Variants in DYDC2 observed in about 807,000 individuals in gnomAD.
The protein encoded by DYDC2 is DPY30 domain containing 2, also known as DPY30 domain-containing protein 2.
DYDC2 carries 19 observed loss-of-function variants against 18.7 expected under a neutral mutation model. The ratio of observed to expected loss-of-function variants is 1.02; its 90% CI spans 0.71 to 1.49. The LOEUF is 1.49. Ranked by LOEUF, DYDC2 falls within the 40% of genes most tolerant of loss-of-function variation. The pLI, the probability that DYDC2 is intolerant of heterozygous loss-of-function variation, is 0.00. For missense variants in DYDC2, 179 were observed against 205.1 expected (o/e 0.87, Z 0.78); for synonymous variants, 63 against 67.6 (o/e 0.93, Z 0.34).
intron 1 of DYDC2, among the ~76,000 whole-genome samples, chr10:80,345,574 T>C (rs988601518): frequency 1.3e-5 from 2 of 152,184 alleles, no homozygotes; most frequent in African/African-American, 4.8e-5. Flanking sequence ...ATCTCCTCAT[T>C]CTTCTTCCAG....
In DYDC2 at chr10:80,357,979, G is replaced by A; in HGVS notation, c.-76G>A. ...ACCTTGCCTACTGAGTGCAAGTCCA[G>A]GAACTGTGTAAGCAGACCCTCAGAG... On this transcript the variant is annotated 5_prime_UTR_variant, in exon 2 of 5. Transcript: ENST00000256039. 1.0e-6 allele frequency: 1 copy of A among 985,512 alleles called. No individual in the cohort carries two copies. Among genetic ancestry groups the A allele is most frequent in the Non-Finnish European group, 1.2e-6 (1 of 830,010 alleles). 61.0% of individuals were successfully genotyped at this position (985,512 alleles called of 1,614,324 possible).
chr10:80,352,624 GT>G, upstream of DYDC2: 2 of 1,591,816 alleles, frequency 1.3e-6, no homozygotes, highest in South Asian at 1.2e-5. Flanking sequence ...AAAAGTAAGT[GT>G]TTTTGCATTA....
intron 2 of DYDC2, among the ~76,000 whole-genome samples, chr10:80,360,256 T>C (rs547007237): frequency 2.8e-4 from 42 of 152,190 alleles, no homozygotes; most frequent in Non-Finnish European, 3.5e-4. Flanking sequence ...ATGAATCTTA[T>C]AGAGCTAAAA....
At chr10:80,360,022 G>A (rs1843619105) in intron 2 of DYDC2, among the ~76,000 whole-genome samples, 1 of 152,242 alleles carries the variant, frequency 6.6e-6, no homozygotes, top group African/African-American at 2.4e-5. Context: ...AGGGCTGCCA[G>A]CACGCTGTCA....
chr10:80,346,204 G>A (rs965690764), intron 1 of DYDC2, among the ~76,000 whole-genome samples: 1 of 152,018 alleles, frequency 6.6e-6, no homozygotes, highest in Non-Finnish European at 1.5e-5. Context: ...TCCAAATCTT[G>A]GCTATTGTAA....
intron 1 of DYDC2, among the ~76,000 whole-genome samples, chr10:80,347,151 C>T (rs958262516): frequency 1.3e-5 from 2 of 151,786 alleles, no homozygotes; most frequent in Admixed American, 6.6e-5. Flanking sequence ...TTGATTTGCA[C>T]TTCCCTGATG....
upstream of DYDC2, chr10:80,352,463 C>T: frequency 1.2e-6 from 2 of 1,600,988 alleles, no homozygotes; most frequent in Non-Finnish European, 1.7e-6. Context: ...ACCAGTTGTT[C>T]CATGGTCACA....
Position 80,347,848 on chromosome 10 carries a change from T to C in DYDC2, c.-310+3033T>C, listed in dbSNP as rs79895716. Among the ~76,000 whole-genome samples, 774 of 152,370 alleles carry C rather than the reference T, an allele frequency of 5.1e-3. 5 individuals carry two copies. The highest frequency in any genetic ancestry group is 0.018 in the African/African-American group (740 of 41,592). On this transcript the variant is annotated intron_variant, in intron 1 of 4. Coordinates refer to the DYDC2 transcript ENST00000372197. ...TATGCCAATACCATACTGTTGTAATTACTATGGCTTTGTAATATAATTCTG... is the reference window on the plus strand; with the variant it reads ...TATGCCAATACCATACTGTTGTAATCACTATGGCTTTGTAATATAATTCTG...
At chr10:80,349,470 A>G (rs1842859235) in intron 1 of DYDC2, among the ~76,000 whole-genome samples, 1 of 152,184 alleles carries the variant, frequency 6.6e-6, no homozygotes, top group Admixed American at 6.5e-5. Flanking sequence ...CTACTATCTG[A>G]CAATGCATTC....
chr10:80,362,697 T>A, intron 3 of DYDC2, 107 bp downstream of exon 3: 1 of 1,485,828 alleles, frequency 6.7e-7, no homozygotes, highest in Non-Finnish European at 9.0e-7. Flanking sequence ...TTTCTTGGTT[T>A]ATTTGACTTG....
At chr10:80,357,169 G>C (rs563431155) in intron 1 of DYDC2, among the ~76,000 whole-genome samples, 1 of 146,662 alleles carries the variant, frequency 6.8e-6, no homozygotes, top group Admixed American at 6.7e-5. Context: ...AGGGGGCAAC[G>C]GGCAGAGAGG....
intron 1 of DYDC2, among the ~76,000 whole-genome samples, chr10:80,357,186 A>G (rs1182793239): frequency 7.5e-6 from 1 of 132,840 alleles, no homozygotes; most frequent in South Asian, 2.7e-4. Context: ...GAGGAGAGGG[A>G]ATGAAAGAAG....
At chr10:80,362,396 G>C in intron 2 of DYDC2, 39 bp from the exon 3 acceptor site, 1 of 1,587,228 alleles carries the variant, frequency 6.3e-7, no homozygotes, top group Non-Finnish European at 8.6e-7. Flanking sequence ...ATCAGATTAA[G>C]TTTGTAAAAT....
chr10:80,358,609 G>T (rs117270071), intron 2 of DYDC2, among the ~76,000 whole-genome samples: 1 of 152,190 alleles, frequency 6.6e-6, no homozygotes, highest in African/African-American at 2.4e-5. Flanking sequence ...ATGCAGAGTT[G>T]GTGATTCTGC....
Position 80,366,772 on chromosome 10 carries a change from C to A in DYDC2, c.355C>A (p.Gln119Lys). The A allele has an allele frequency of 6.2e-7, 1 of 1,614,188 alleles. No homozygotes were observed. The highest frequency in any genetic ancestry group is 8.5e-7 in the Non-Finnish European group (1 of 1,180,018). ...CCCCCTTGAGAAGGAGGCCTTGAAG[C>A]AGGAATTCCTGCCAGGTACTTCCAG... The part of the protein sequence containing the change: ...TNPLEKEALK[Q>K]EFLPGTSSLI... The change falls in exon 5 of 5, where the codon CAG (glutamine) becomes AAG (lysine). Residue 119 changes from glutamine (Q) to lysine (K), a missense_variant. Gln to Lys is a moderately conservative substitution (Grantham distance 53). Coordinates refer to ENST00000256039, the MANE Select transcript of DYDC2 (RefSeq NM_032372.6).
rs7921589 is a variant in DYDC2 at position 80,367,064 on chromosome 10, A to T, written c.*113A>T. 1,421 of 1,276,110 alleles carry T rather than the reference A, an allele frequency of 1.1e-3. 7 individuals are homozygous for T. The African/African-American group carries it at 0.018, about 16-fold the overall frequency. 79.0% of individuals were successfully genotyped at this position (1,276,110 alleles called of 1,614,324 possible). ...TAAAAGGCAAGTTCAGGGACTCTCCAGCCTACTCCTTTTCTGAAAAACCCT... is the reference window on the plus strand; with the variant it reads ...TAAAAGGCAAGTTCAGGGACTCTCCTGCCTACTCCTTTTCTGAAAAACCCT... On this transcript the variant is annotated 3_prime_UTR_variant, in exon 5 of 5. Coordinates refer to ENST00000256039, the MANE Select transcript of DYDC2 (RefSeq NM_032372.6).
upstream of DYDC2, chr10:80,352,516 G>A (rs1453132978): frequency 1.1e-5 from 17 of 1,612,990 alleles, no homozygotes; most frequent in East Asian, 1.3e-4. Flanking sequence ...ATATTCTATC[G>A]GATCCACTGG....
At chr10:80,350,372 C>A (rs1283122231) in intron 1 of DYDC2, among the ~76,000 whole-genome samples, 1 of 152,158 alleles carries the variant, frequency 6.6e-6, no homozygotes, top group Non-Finnish European at 1.5e-5. Flanking sequence ...TCTGGGAATT[C>A]TCTTATTTTT....
chr10:80,356,488 G>T, upstream of DYDC2: 1 of 985,330 alleles, frequency 1.0e-6, no homozygotes, highest in Non-Finnish European at 1.2e-6. Context: ...AGTCTGGAAG[G>T]GTCTCCCGCA....
Sources: allele counts gnomAD v4.1 joint callset (sites outside exome capture counted in the v4.1 genomes callset), GRCh38; gene constraint gnomAD v4.1.1; transcripts MANE v1.5; gene names NCBI Gene and HGNC (gene_info 2026-07-23, HGNC 2026-07-21).